The following LIPC variants were observed in gnomAD, a reference collection of about 807,000 sequenced individuals.
LIPC encodes the protein lipase C, hepatic type.
In LIPC, 44 loss-of-function variants were observed where a neutral mutation model predicts 50.7. That is an observed-to-expected ratio of 0.87 (90% CI 0.68 to 1.11). LIPC has a LOEUF of 1.11. LIPC is among the 50% of genes most tolerant of loss of function. The probability of loss-of-function intolerance (pLI) is 0.00; values close to 1 mark genes in which losing one functional copy is unlikely to be tolerated. For missense variants in LIPC, 697 were observed against 648.2 expected, an observed-to-expected ratio of 1.08 and a Z score of -0.82; for synonymous variants, 271 against 256.4, an observed-to-expected ratio of 1.06 and a Z score of -0.54.
At chr15:58,446,909 G>A (rs1417443957) in intron 1 of LIPC, among the ~76,000 whole-genome samples, 1 of 152,088 alleles carries the variant, frequency 6.6e-6, no homozygotes, top group Non-Finnish European at 1.5e-5. Flanking sequence ...CACTTTGGGA[G>A]GCCAGAGGCA....
intron 8 of LIPC, chr15:58,565,138 C>A (rs751270657): frequency 4.0e-6 from 6 of 1,484,010 alleles, no homozygotes; most frequent in Non-Finnish European, 5.5e-6. Context: ...GATGCAAAAT[C>A]CTGGCAATTA....
intron 1 of LIPC, among the ~76,000 whole-genome samples, chr15:58,438,558 C>G (rs1041410522): frequency 6.6e-6 from 1 of 152,156 alleles, no homozygotes; most frequent in Non-Finnish European, 1.5e-5. Flanking sequence ...AACAAGGGGG[C>G]CGAGCCTAGT....
intron 1 of LIPC, among the ~76,000 whole-genome samples, chr15:58,453,248 A>T (rs1354901453): frequency 6.6e-6 from 1 of 152,096 alleles, no homozygotes; most frequent in Non-Finnish European, 1.5e-5. Context: ...TCCTATGGAT[A>T]CAGGTCAGTC....
At chr15:58,540,986 A>G (rs1893298982) in intron 2 of LIPC, among the ~76,000 whole-genome samples, 1 of 151,900 alleles carries the variant, frequency 6.6e-6, no homozygotes, top group African/African-American at 2.4e-5. Context: ...TTTTTTGTGG[A>G]GATGGGGTTT....
intron 1 of LIPC, among the ~76,000 whole-genome samples, chr15:58,501,239 C>T (rs1477082615): frequency 6.6e-6 from 1 of 152,040 alleles, no homozygotes; most frequent in Non-Finnish European, 1.5e-5. Flanking sequence ...GGCCCCCTCG[C>T]CTATATACCT....
At chr15:58,482,662 A>T (rs183223900) in intron 1 of LIPC, among the ~76,000 whole-genome samples, 2 of 152,316 alleles carry the variant, frequency 1.3e-5, no homozygotes, top group African/African-American at 2.4e-5. Context: ...GTTCCTGGGC[A>T]CAGCCAGAGA....
In LIPC at chr15:58,500,916, C is replaced by G. The variant is rs1156763450; in HGVS notation, c.89-37417C>G. Reference sequence around the variant, plus strand: ...CGTCAAAACACAGGAACCCCTACCCCCTTGGAAGACACACCAGGCCATTCA... The same window carrying G: ...CGTCAAAACACAGGAACCCCTACCCGCTTGGAAGACACACCAGGCCATTCA... On this transcript the variant is annotated intron_variant, in intron 1 of 8. Coordinates refer to ENST00000299022, the MANE Select transcript of LIPC (RefSeq NM_000236.3). Among the ~76,000 whole-genome samples the G allele has an allele frequency of 5.3e-5, 8 of 152,072 alleles. No homozygotes were observed. The East Asian group carries it at 1.3e-3, about 26-fold the overall frequency.
At chr15:58,446,791 C>T (rs1893711310) in intron 1 of LIPC, among the ~76,000 whole-genome samples, 1 of 152,136 alleles carries the variant, frequency 6.6e-6, no homozygotes, top group African/African-American at 2.4e-5. Context: ...AGGCACGTGG[C>T]AAATGACTGT....
chr15:58,502,724 A>C (rs1289244137), intron 1 of LIPC, among the ~76,000 whole-genome samples: 3 of 152,008 alleles, frequency 2.0e-5, no homozygotes, highest in African/African-American at 7.2e-5. Context: ...GTTCTCTAAA[A>C]CTAAGGCTTC....
At chr15:58,476,501 C>T (rs113121973) in intron 1 of LIPC, among the ~76,000 whole-genome samples, 21 of 152,364 alleles carry the variant, frequency 1.4e-4, no homozygotes, top group African/African-American at 4.8e-4. Flanking sequence ...TCCCCTCCTG[C>T]ATGCAGCTGG....
chr15:58,439,573 A>G (rs1893434161), intron 1 of LIPC, among the ~76,000 whole-genome samples: 1 of 152,188 alleles, frequency 6.6e-6, no homozygotes, highest in Non-Finnish European at 1.5e-5. Context: ...CCTCCTGAGT[A>G]GCCGCGATTA....
chr15:58,557,379 CTTTTT>C (rs386383140), intron 6 of LIPC, among the ~76,000 whole-genome samples: 4 of 75,692 alleles, frequency 5.3e-5, no homozygotes, highest in South Asian at 5.3e-4. Flanking sequence ...ATTATATGCT[CTTTTT>C]TTTTTTTTTT....
intron 7 of LIPC, among the ~76,000 whole-genome samples, chr15:58,563,072 A>C (rs1267390119): frequency 6.6e-6 from 1 of 152,102 alleles, no homozygotes; most frequent in Non-Finnish European, 1.5e-5. Flanking sequence ...GTTTTAACAG[A>C]GGTTTCTATT....
chr15:58,525,888 A>G (rs1343972352), intron 1 of LIPC, among the ~76,000 whole-genome samples: 2 of 152,188 alleles, frequency 1.3e-5, no homozygotes, highest in African/African-American at 2.4e-5. Flanking sequence ...ACTACCACCA[A>G]TGCCACCAGG....
chr15:58,483,523 G>T (rs1397789631), intron 1 of LIPC, among the ~76,000 whole-genome samples: 1 of 152,166 alleles, frequency 6.6e-6, no homozygotes, highest in African/African-American at 2.4e-5. Flanking sequence ...TGCTGTGAGG[G>T]TAGAAGGGGG....
chr15:58,561,051 G>A, intron 7 of LIPC, 70 bp downstream of exon 7: 1 of 845,814 alleles, frequency 1.2e-6, no homozygotes, highest in Non-Finnish European at 2.1e-6. Context: ...AATGGACTCT[G>A]TAATTTTCAA....
intron 1 of LIPC, among the ~76,000 whole-genome samples, chr15:58,505,478 G>GT (rs1411704005): frequency 6.6e-6 from 1 of 152,188 alleles, no homozygotes; most frequent in African/African-American, 2.4e-5. Context: ...GTTGGTATTG[G>GT]TGGTGGTGGT....
intron 1 of LIPC, among the ~76,000 whole-genome samples, chr15:58,500,564 T>C (rs961410308): frequency 5.9e-5 from 9 of 152,198 alleles, no homozygotes; most frequent in Non-Finnish European, 1.3e-4. Context: ...GAGAAGATGC[T>C]GTACAATATT....
intron 1 of LIPC, among the ~76,000 whole-genome samples, chr15:58,534,476 C>CT (rs1179526261): frequency 1.3e-5 from 2 of 152,200 alleles, no homozygotes; most frequent in Non-Finnish European, 2.9e-5. Flanking sequence ...CTAGAGGCTG[C>CT]TGCTCAATTA....
Sources: gnomAD v4.1 joint callset for allele counts (sites outside exome capture counted in the v4.1 genomes callset) on GRCh38, gnomAD v4.1.1 for gene constraint, MANE v1.5 for transcripts, NCBI Gene and HGNC (gene_info 2026-07-23, HGNC 2026-07-21) for gene names.